Variants in MAPK10 observed in about 807,000 individuals in gnomAD.
MAPK10 encodes mitogen-activated protein kinase 10.
MAPK10 carries 25 observed loss-of-function variants against 59.3 expected under a neutral mutation model. That is an observed-to-expected ratio of 0.42 (90% CI 0.31 to 0.59). The LOEUF (loss-of-function observed/expected upper bound fraction) is 0.59. Among genes scored for constraint, MAPK10 ranks in the 20% least tolerant of loss-of-function variants. The probability of loss-of-function intolerance (pLI) is 0.15; values close to 1 mark genes in which losing one functional copy is unlikely to be tolerated. For missense variants in MAPK10, 351 were observed against 568.9 expected, an observed-to-expected ratio of 0.62 and a Z score of 3.90; for synonymous variants, 190 against 200.5, an observed-to-expected ratio of 0.95 and a Z score of 0.44.
At chr4:86,539,600 T>A (rs1758517199) in intron 1 of MAPK10, among the ~76,000 whole-genome samples, 1 of 152,192 alleles carries the variant, frequency 6.6e-6, no homozygotes. Context: ...TCTGTTCCTA[T>A]AAACTAATGA....
At chr4:86,537,018 C>T (rs1485321324) in intron 1 of MAPK10, among the ~76,000 whole-genome samples, 1 of 152,052 alleles carries the variant, frequency 6.6e-6, no homozygotes, top group Non-Finnish European at 1.5e-5. Context: ...GGAAGCTGGG[C>T]AGGGTGAGGA....
At chr4:86,282,580 G>C (rs2094849188) in intron 2 of MAPK10, among the ~76,000 whole-genome samples, 1 of 152,138 alleles carries the variant, frequency 6.6e-6, no homozygotes, top group Non-Finnish European at 1.5e-5. Context: ...ACAGATTTTG[G>C]AGGAAAACAA....
At chr4:86,085,742 G>T (rs941194752) in intron 9 of MAPK10, among the ~76,000 whole-genome samples, 1 of 152,104 alleles carries the variant, frequency 6.6e-6, no homozygotes, top group African/African-American at 2.4e-5. Flanking sequence ...CCACTGCTGG[G>T]TATATAAACA....
chr4:86,576,923 C>G (rs1761943703), intron 1 of MAPK10, among the ~76,000 whole-genome samples: 2 of 152,168 alleles, frequency 1.3e-5, no homozygotes, highest in Admixed American at 1.3e-4. Flanking sequence ...ACAGACTTTT[C>G]AGCTGCAATT....
intron 2 of MAPK10, among the ~76,000 whole-genome samples, chr4:86,290,919 C>G (rs1256025548): frequency 6.6e-6 from 1 of 152,138 alleles, no homozygotes; most frequent in Non-Finnish European, 1.5e-5. Context: ...TAAAAAGCTA[C>G]CAGACATTAT....
At position 86,312,344 on chromosome 4, in the gene MAPK10, T is replaced by C. The variant is rs140760425; in HGVS notation, c.-7+42186A>G. ...ATGCTTTCTTGGACTCTATATACCA[T>C]ATTCTAATTTTTATTACGTGTGACT... On this transcript the variant is annotated intron_variant, in intron 2 of 13. Coordinates refer to ENST00000641462, the MANE Select transcript of MAPK10 (RefSeq NM_138982.4). Among the ~76,000 whole-genome samples, 841 of 152,242 alleles carry C rather than the reference T, an allele frequency of 5.5e-3. 5 individuals carry two copies. The highest frequency in any genetic ancestry group is 9.0e-3 in the Non-Finnish European group (611 of 67,982).
At chr4:86,131,772 G>A (rs1208467534) in intron 4 of MAPK10, among the ~76,000 whole-genome samples, 1 of 152,102 alleles carries the variant, frequency 6.6e-6, no homozygotes, top group African/African-American at 2.4e-5. Context: ...ACGAGACGAT[G>A]CAAATAGCAT....
intron 2 of MAPK10, among the ~76,000 whole-genome samples, chr4:86,256,638 A>C (rs528645431): frequency 2.2e-4 from 33 of 149,552 alleles, no homozygotes; most frequent in Non-Finnish European, 4.0e-4. Context: ...ACTTCTTCTT[A>C]TTTTTAGTTT....
chr4:86,089,852 T>C (rs1264008016), intron 9 of MAPK10, among the ~76,000 whole-genome samples: 1 of 152,156 alleles, frequency 6.6e-6, no homozygotes, highest in Admixed American at 6.6e-5. Context: ...CAAAGGAGCA[T>C]GTTTCTCAGC....
intron 1 of MAPK10, among the ~76,000 whole-genome samples, chr4:86,549,284 C>T (rs552510615): frequency 6.6e-6 from 1 of 152,158 alleles, no homozygotes; most frequent in African/African-American, 2.4e-5. Flanking sequence ...ACAATTTTGT[C>T]CTTGTCTGAA....
intron 2 of MAPK10, among the ~76,000 whole-genome samples, chr4:86,263,366 G>A (rs548559247): frequency 6.6e-6 from 1 of 152,152 alleles, no homozygotes; most frequent in East Asian, 1.9e-4. Context: ...GAGTCTACTT[G>A]GTTCAACCAC....
At chr4:86,055,040 C>T (rs928645126) in intron 11 of MAPK10, among the ~76,000 whole-genome samples, 33 of 152,172 alleles carry the variant, frequency 2.2e-4, no homozygotes, top group East Asian at 5.8e-4. Flanking sequence ...ATCATGATGT[C>T]TCACAGTACA....
At position 86,420,856 on chromosome 4, in the gene MAPK10, T is replaced by A. The variant is rs1579151636; in HGVS notation, c.-122+32174A>T. On this transcript the variant is annotated intron_variant, in intron 1 of 13. Transcript: ENST00000361569. ...CAGCACTTTGGGAGGCCGAGGCTGGTGGATCATTTGAGGTCAGGAGTATGA... is the reference window on the plus strand; with the variant it reads ...CAGCACTTTGGGAGGCCGAGGCTGGAGGATCATTTGAGGTCAGGAGTATGA... Among the ~76,000 whole-genome samples, 4 of 152,016 alleles carry A rather than the reference T, an allele frequency of 2.6e-5. No individual in the cohort carries two copies. In the South Asian group the frequency reaches 8.3e-4, roughly 32 times the overall value.
chr4:86,480,128 T>C (rs935628794), intron 1 of MAPK10, among the ~76,000 whole-genome samples: 2 of 152,178 alleles, frequency 1.3e-5, no homozygotes, highest in Non-Finnish European at 2.9e-5. Flanking sequence ...TACACCTAGA[T>C]GGCCTGAAGT....
chr4:86,342,621 C>A (rs895872404), intron 2 of MAPK10, among the ~76,000 whole-genome samples: 1 of 152,146 alleles, frequency 6.6e-6, no homozygotes, highest in African/African-American at 2.4e-5. Context: ...ATGGAGAAAC[C>A]AAAGCTAAAG....
chr4:86,170,765 A>G (rs935153644), intron 3 of MAPK10, among the ~76,000 whole-genome samples: 12 of 150,900 alleles, frequency 8.0e-5, no homozygotes, highest in Admixed American at 2.0e-4. Context: ...AATCAACAGA[A>G]TATACATTTT....
intron 1 of MAPK10, among the ~76,000 whole-genome samples, chr4:86,525,589 G>A (rs1242480296): frequency 6.6e-6 from 1 of 152,152 alleles, no homozygotes; most frequent in Non-Finnish European, 1.5e-5. Context: ...AAGACAGCAA[G>A]TTGTCTTTAT....
At chr4:86,039,335 G>A (rs1265393352) in intron 11 of MAPK10, among the ~76,000 whole-genome samples, 1 of 152,114 alleles carries the variant, frequency 6.6e-6, no homozygotes, top group Non-Finnish European at 1.5e-5. Flanking sequence ...TTACCAGACA[G>A]CACAGCATGG....
intron 1 of MAPK10, among the ~76,000 whole-genome samples, chr4:86,580,168 G>A (rs1406876415): frequency 6.6e-6 from 1 of 151,830 alleles, no homozygotes; most frequent in African/African-American, 2.4e-5. Flanking sequence ...CAAGCAGTAT[G>A]TTTGGAAACA....
Sources: gnomAD v4.1 joint callset for allele counts (sites outside exome capture counted in the v4.1 genomes callset) on GRCh38, gnomAD v4.1.1 for gene constraint, MANE v1.5 for transcripts, NCBI Gene and HGNC (gene_info 2026-07-23, HGNC 2026-07-21) for gene names.